Variants in UPP1 observed in about 807,000 individuals in gnomAD.
The protein encoded by UPP1 is UPase 1.
In UPP1, 25 loss-of-function variants were observed where a neutral mutation model predicts 29.6. That is an observed-to-expected ratio of 0.85 (90% CI 0.62 to 1.18). The LOEUF (loss-of-function observed/expected upper bound fraction) is 1.18. Among genes scored for constraint, UPP1 ranks in the 50% most tolerant of loss-of-function variants. The probability of loss-of-function intolerance (pLI) is 0.00; values close to 1 mark genes in which losing one functional copy is unlikely to be tolerated. For synonymous variants in UPP1, 165 were observed against 159.8 expected (o/e 1.03, Z -0.25); for missense variants, 368 against 410.4 (o/e 0.90, Z 0.89).
Position 48,106,941 on chromosome 7 carries a change from C to T in UPP1, c.505C>T (p.Gln169Ter). 2 of 1,613,560 alleles carry T rather than the reference C, an allele frequency of 1.2e-6. No individual in the cohort carries two copies. The highest frequency in any genetic ancestry group is 1.7e-6 in the Non-Finnish European group (2 of 1,179,970). Reference sequence around the variant, plus strand: ...TACCTGCTTCAAGGCAGAGTTTGAGCAGATTGTCCTGGGGAAGCGGGTCAT... The same window carrying T: ...TACCTGCTTCAAGGCAGAGTTTGAGTAGATTGTCCTGGGGAAGCGGGTCAT... Reference protein sequence around the residue: ...VDTCFKAEFEQIVLGKRVIRK... With the variant: ...VDTCFKAEFE The change falls in exon 7 of 9, where the codon CAG becomes TAG. Residue 169 changes from glutamine to a stop codon, truncating the protein, a stop_gained. Coordinates refer to ENST00000395564, the MANE Select transcript of UPP1 (RefSeq NM_003364.4). LOFTEE classifies it high-confidence loss of function.
intron 4 of UPP1, among the ~76,000 whole-genome samples, chr7:48,100,298 C>A (rs1432509722): frequency 6.6e-6 from 1 of 152,124 alleles, no homozygotes; most frequent in Non-Finnish European, 1.5e-5. Flanking sequence ...TTTTCTGGGA[C>A]CGCTGTTGTG....
Position 48,101,868 on chromosome 7 carries a change from C to T in UPP1, c.207C>T (p.Ile69=). The T allele has an allele frequency of 6.2e-7, 1 of 1,614,036 alleles. No homozygotes were observed. The highest frequency in any genetic ancestry group is 8.5e-7 in the Non-Finnish European group (1 of 1,179,996). ...GCCCCTCCCGGATGAAAGCCTTCAT[C>T]AGGTGCGTTGGTGCAGAGCTGGGCC... ...GGSPSRMKAF[I]RCVGAELGLD... Residue 69 remains isoleucine, a synonymous_variant, in exon 5 of 9, where the codon ATC becomes ATT. Transcript: ENST00000395564.
intron 7 of UPP1, 50 bp downstream of exon 7, chr7:48,107,132 C>A (rs779844136): frequency 3.8e-6 from 6 of 1,592,798 alleles, no homozygotes; most frequent in South Asian, 2.2e-5. Flanking sequence ...AACCCTGGTC[C>A]GTCCCCTGAG....
intron 2 of UPP1, among the ~76,000 whole-genome samples, chr7:48,092,704 CTTTT>C (rs1207379327): frequency 7.4e-6 from 1 of 136,034 alleles, no homozygotes. Flanking sequence ...CTGTTTGTTT[CTTTT>C]TTTTTTTTTT....
chr7:48,103,784 A>G (rs1562656703), intron 6 of UPP1: 1 of 1,291,490 alleles, frequency 7.7e-7, no homozygotes, highest in East Asian at 5.5e-5. Flanking sequence ...TCCTGCAGGG[A>G]TTTTGAAGCA....
intron 3 of UPP1, among the ~76,000 whole-genome samples, chr7:48,096,369 T>C (rs958870670): frequency 6.6e-6 from 1 of 152,178 alleles, no homozygotes; most frequent in Non-Finnish European, 1.5e-5. Flanking sequence ...TTAAATGAAT[T>C]GATATGTGCT....
rs776973015 is a variant in UPP1 at position 48,107,055 on chromosome 7, A to G, written c.619A>G (p.Thr207Ala). ...CGAGTTCACCACAGTGGTGGGGAACACCATGTGCACCTTGGACTTCTATGA... is the reference window on the plus strand; with the variant it reads ...CGAGTTCACCACAGTGGTGGGGAACGCCATGTGCACCTTGGACTTCTATGA... Reference protein sequence around the residue: ...LSEFTTVVGNTMCTLDFYEGQ... With the variant: ...LSEFTTVVGNAMCTLDFYEGQ... Residue 207 changes from threonine (T) to alanine (A), a missense_variant, in exon 7 of 9, where the codon ACC becomes GCC. Coordinates refer to ENST00000395564, the MANE Select transcript of UPP1 (RefSeq NM_003364.4). 6.2e-7 allele frequency: 1 copy of G among 1,612,180 alleles called. No individual in the cohort carries two copies. The highest frequency in any genetic ancestry group is 8.5e-7 in the Non-Finnish European group (1 of 1,179,886).
intron 6 of UPP1, chr7:48,106,191 G>A (rs1158532369): frequency 6.5e-6 from 1 of 152,858 alleles, no homozygotes; most frequent in African/African-American, 2.4e-5. Context: ...TATGAAACAG[G>A]GATCAATGAA....
chr7:48,091,555 G>A (rs181935477), intron 2 of UPP1, among the ~76,000 whole-genome samples: 10 of 152,250 alleles, frequency 6.6e-5, no homozygotes, highest in African/African-American at 2.4e-4. Context: ...AGAACATTGT[G>A]GTACAATGTT....
intron 4 of UPP1, 55 bp downstream of exon 4, chr7:48,099,842 A>ATAT (rs1792326693): frequency 2.5e-6 from 3 of 1,184,914 alleles, no homozygotes; most frequent in Non-Finnish European, 3.8e-6. Context: ...ACCTCCCCCT[A>ATAT]TATTATACAG....
chr7:48,103,634 C>A, intron 6 of UPP1: 2 of 892,734 alleles, frequency 2.2e-6, no homozygotes, highest in Non-Finnish European at 1.6e-6. Flanking sequence ...AAGGGCACCA[C>A]ACCATGCATA....
At chr7:48,107,220 A>G (rs1562660557) in intron 7 of UPP1, 138 bp downstream of exon 7, 2 of 1,410,966 alleles carry the variant, frequency 1.4e-6, no homozygotes, top group Non-Finnish European at 2.0e-6. Flanking sequence ...AGTGGTTATA[A>G]TGACCCGTTT....
chr7:48,100,564 A>T (rs1056545583), intron 4 of UPP1, among the ~76,000 whole-genome samples: 10 of 152,348 alleles, frequency 6.6e-5, no homozygotes, highest in Middle Eastern at 3.4e-3. Flanking sequence ...CTTTTTCTAC[A>T]AAGTCTTAAG....
chr7:48,106,204 ACAT>A (rs1234942705), intron 6 of UPP1: 3 of 153,216 alleles, frequency 2.0e-5, no homozygotes, highest in African/African-American at 7.2e-5. Flanking sequence ...TCAATGAAAC[ACAT>A]CATGGTATAT....
chr7:48,092,957 G>A (rs1791924638), intron 2 of UPP1, among the ~76,000 whole-genome samples: 2 of 152,166 alleles, frequency 1.3e-5, no homozygotes, highest in South Asian at 4.1e-4. Flanking sequence ...GGCCTCCTCG[G>A]CCTCCCAAAG....
intron 5 of UPP1, 111 bp from the exon 6 acceptor site, chr7:48,103,186 A>G: frequency 1.3e-6 from 1 of 753,418 alleles, no homozygotes; most frequent in Non-Finnish European, 2.3e-6. Context: ...TTTATCTTTC[A>G]TCACTATGTC....
At chr7:48,107,910 G>A (rs754797685) in intron 8 of UPP1, among the ~76,000 whole-genome samples, 7 of 152,190 alleles carry the variant, frequency 4.6e-5, no homozygotes, top group Non-Finnish European at 5.9e-5. Flanking sequence ...CGGCCAAAAC[G>A]TGCCTTTCAA....
In UPP1 at chr7:48,107,477, G is replaced by T. The variant is rs1032539780; in HGVS notation, c.763G>T (p.Ala255Ser). The T allele has an allele frequency of 1.2e-6, 2 of 1,613,542 alleles. No homozygotes were observed. Among genetic ancestry groups the T allele is most frequent in the Non-Finnish European group, 1.7e-6 (2 of 1,179,568 alleles). Residue 255 changes from alanine to serine, a missense_variant, in exon 8 of 9, where the codon GCC becomes TCC. Ala to Ser is a moderately conservative substitution (Grantham distance 99). Transcript: ENST00000395564. The part of the protein sequence containing the change: ...RNIEMESSVF[A>S]AMCSACGLQA... ...TATCGAGATGGAGTCCTCGGTGTTT[G>T]CCGCCATGTGCAGCGCCTGCGGCCT...
chr7:48,096,621 A>G (rs1290166697), intron 3 of UPP1, among the ~76,000 whole-genome samples: 10 of 152,172 alleles, frequency 6.6e-5, no homozygotes, highest in Admixed American at 2.0e-4. Context: ...GCAAGTTTAT[A>G]TAAAGGTTGA....
Sources: allele counts gnomAD v4.1 joint callset (sites outside exome capture counted in the v4.1 genomes callset), GRCh38; gene constraint gnomAD v4.1.1; transcripts MANE v1.5; gene names NCBI Gene and HGNC (gene_info 2026-07-23, HGNC 2026-07-21).